Variants in TTC39A observed in about 807,000 individuals in gnomAD.
TTC39A encodes tetratricopeptide repeat protein 39A.
A neutral mutation model predicts 82.3 loss-of-function variants in TTC39A; 46 were observed. The ratio of observed to expected loss-of-function variants is 0.56; its 90% CI spans 0.44 to 0.71. The LOEUF (loss-of-function observed/expected upper bound fraction) is 0.71. Among genes scored for constraint, TTC39A ranks in the 30% least tolerant of loss-of-function variants. The probability of loss-of-function intolerance (pLI) is 0.00; values close to 1 mark genes in which losing one functional copy is unlikely to be tolerated. For synonymous variants in TTC39A, 254 were observed against 275.2 expected (o/e 0.92, Z 0.76); for missense variants, 543 against 712.9 (o/e 0.76, Z 2.71).
chr1:51,342,974 C>T (rs1198228324), intron 1 of TTC39A: 1 of 449,008 alleles, frequency 2.2e-6, no homozygotes, highest in South Asian at 1.6e-5. Flanking sequence ...CCTCTGCTCT[C>T]CCTGCACACT....
At chr1:51,297,263 C>G (rs1337760665) in intron 12 of TTC39A, 1 of 151,786 alleles carries the variant, frequency 6.6e-6, no homozygotes, top group African/African-American at 2.4e-5. Flanking sequence ...CAGGCTAAGG[C>G]TGGAGTGCTA....
intron 12 of TTC39A, chr1:51,300,261 G>C (rs1644601240): frequency 2.0e-5 from 3 of 152,302 alleles, no homozygotes; most frequent in South Asian, 2.1e-4. Flanking sequence ...ACAGGTGCCA[G>C]ACATGTTGAG....
chr1:51,326,536 C>T (rs1482212047), intron 1 of TTC39A, among the ~76,000 whole-genome samples: 3 of 152,164 alleles, frequency 2.0e-5, no homozygotes, highest in Admixed American at 1.3e-4. Context: ...AACCACCCAT[C>T]GCCACAAAGA....
Position 51,321,553 on chromosome 1 carries a change from C to T in TTC39A, c.146+168G>A, listed in dbSNP as rs1455714810. On this transcript the variant is annotated intron_variant, in intron 2 of 17. Coordinates refer to ENST00000680483, the MANE Select transcript of TTC39A (RefSeq NM_001297663.2). This position sits in a 1 kb window ranked among gnomAD's most constrained non-coding sequence, Gnocchi z 4.6. The stretch of plus-strand genomic sequence containing the variant: ...TGACCTTGGAGAGGGCCTGGCTGCA[C>T]ACAGGCCGTGGAATGGAGCTTGAGC... Among the ~76,000 whole-genome samples the T allele has an allele frequency of 2.0e-5, 3 of 152,200 alleles. No individual in the cohort carries two copies. The highest frequency in any genetic ancestry group is 6.5e-5 in the Admixed American group (1 of 15,282).
At chr1:51,334,094 C>G (rs1161217386), upstream of TTC39A, among the ~76,000 whole-genome samples, 2 of 151,078 alleles carry the variant, frequency 1.3e-5, no homozygotes, top group African/African-American at 2.4e-5. Flanking sequence ...CATGGTGGCT[C>G]ACACCTGTAA....
intron 1 of TTC39A, among the ~76,000 whole-genome samples, chr1:51,339,374 G>C (rs1018810941): frequency 6.6e-6 from 1 of 152,174 alleles, no homozygotes; most frequent in African/African-American, 2.4e-5. Flanking sequence ...GTAGATTTCC[G>C]CACTGCTGAT....
chr1:51,309,401 G>C lies in TTC39A; in HGVS notation c.424-76C>G, dbSNP rs757918726. ...CGTGAGAGGGATCATGCAAGGCTCT[G>C]GGCCTGACTGCCCCTCCGTGTGAGG... On this transcript the variant is annotated intron_variant, in intron 5 of 17. Coordinates refer to ENST00000680483, the MANE Select transcript of TTC39A (RefSeq NM_001297663.2). The C allele has an allele frequency of 1.9e-6, 3 of 1,605,188 alleles. No individual in the cohort carries two copies. The South Asian group carries it at 3.4e-5, about 18-fold the overall frequency.
rs765718230 is a variant in TTC39A at position 51,302,516 on chromosome 1, C to T, written c.821G>A (p.Arg274Gln). Residue 274 changes from arginine to glutamine, a missense_variant, in exon 10 of 18, where the codon CGG (arginine) becomes CAG (glutamine). Arg to Gln is a conservative substitution (Grantham distance 43, BLOSUM62 1). Coordinates refer to ENST00000680483, the MANE Select transcript of TTC39A (RefSeq NM_001297663.2). ...GCACATGGGGCTCACCTTAGGGTACCGGTTCAGGTAGGGCTTCAAGAGCTT... is the reference window on the plus strand; with the variant it reads ...GCACATGGGGCTCACCTTAGGGTACTGGTTCAGGTAGGGCTTCAAGAGCTT... ...AEKLLKPYLN[R>Q]YPKGAIFLFF... 10 of 1,609,500 alleles carry T rather than the reference C, an allele frequency of 6.2e-6. No homozygotes were observed. The highest frequency in any genetic ancestry group is 1.3e-5 in the African/African-American group (1 of 74,898).
intron 1 of TTC39A, among the ~76,000 whole-genome samples, chr1:51,341,045 A>C (rs1646030036): frequency 6.6e-6 from 1 of 152,088 alleles, no homozygotes; most frequent in South Asian, 2.1e-4. Flanking sequence ...GTGGCGCATG[A>C]CTATAATCCC....
upstream of TTC39A, among the ~76,000 whole-genome samples, chr1:51,335,509 C>T (rs1427840139): frequency 6.9e-6 from 1 of 145,672 alleles, no homozygotes; most frequent in Non-Finnish European, 1.5e-5. Flanking sequence ...TGCAGTGAGC[C>T]GAGATCACAC....
At chr1:51,290,258 T>A in intron 15 of TTC39A, 139 bp from the exon 16 acceptor site, 1 of 820,110 alleles carries the variant, frequency 1.2e-6, no homozygotes, top group Non-Finnish European at 1.9e-6. Context: ...GGGTCACATC[T>A]AAGAAGGAAA....
chr1:51,289,044 G>T, intron 16 of TTC39A, 89 bp from the exon 17 acceptor site: 2 of 1,271,892 alleles, frequency 1.6e-6, no homozygotes, highest in African/African-American at 1.5e-5. Context: ...CTCCAATTTT[G>T]GGAGGTTCCC....
At chr1:51,295,748 G>A in intron 13 of TTC39A, 1 of 375,950 alleles carries the variant, frequency 2.7e-6, no homozygotes, top group Non-Finnish European at 5.0e-6. Context: ...TAACTCAGCA[G>A]AGTGAAAGAC....
chr1:51,339,815 C>G (rs1196132403), intron 1 of TTC39A, among the ~76,000 whole-genome samples: 3 of 152,128 alleles, frequency 2.0e-5, no homozygotes, highest in Non-Finnish European at 4.4e-5. Flanking sequence ...AGCCGAGCTG[C>G]TGGGGAATTA....
In TTC39A at chr1:51,321,636, TA is replaced by T. The variant is rs1645521904; in HGVS notation, c.146+84del. ...ACCCAGAAAGCCAAAGGCATTTAGT[TA>T]CACAGGGTTCCTCTCATACAAGACC... On this transcript the variant is annotated intron_variant, in intron 2 of 17. Coordinates refer to ENST00000680483, the MANE Select transcript of TTC39A (RefSeq NM_001297663.2). The surrounding 1 kb of genome is among the most constrained non-coding windows in gnomAD (Gnocchi z 4.6). 1.5e-5 allele frequency: 20 copies of T among 1,302,338 alleles called. No individual in the cohort carries two copies. The Admixed American group carries it at 2.8e-4, about 18-fold the overall frequency. 80.7% of individuals were successfully genotyped at this position (1,302,338 alleles called of 1,614,324 possible).
In TTC39A at chr1:51,303,168, C is replaced by G; in HGVS notation, c.679G>C (p.Glu227Gln). The G allele has an allele frequency of 6.4e-7, 1 of 1,574,342 alleles. No individual in the cohort carries two copies. Among genetic ancestry groups the G allele is most frequent in the Non-Finnish European group, 8.6e-7 (1 of 1,160,588 alleles). ...CGGAAGCTGTGCCCTGACGCTCCCT[C>G]CTCCAGCTGCAGCAGCCCATAGTCC... ...NKDYGLLQLE[E>Q]GASGHSFRSV... The change falls in exon 9 of 18, where the codon GAG (glutamate) becomes CAG (glutamine). Residue 227 changes from glutamate (E) to glutamine (Q), a missense_variant. By Grantham distance (29) the Glu-to-Gln change is conservative. Coordinates refer to ENST00000680483, the MANE Select transcript of TTC39A (RefSeq NM_001297663.2).
rs1242136084 is a variant in TTC39A at position 51,330,139 on chromosome 1, C to T, written c.41+298G>A. ...AGGGCCCACCCCACAGGAGTGAACG[C>T]CACGAGGCAGGTGGGGAAGGCTGCT... On this transcript the variant is annotated intron_variant, in intron 1 of 17. Coordinates refer to ENST00000680483, the MANE Select transcript of TTC39A (RefSeq NM_001297663.2). The surrounding 1 kb of genome is among the most constrained non-coding windows in gnomAD (Gnocchi z 4.5). The T allele has an allele frequency of 2.0e-6, 2 of 985,458 alleles. No individual in the cohort carries two copies. Among genetic ancestry groups the T allele is most frequent in the Non-Finnish European group, 2.4e-6 (2 of 830,058 alleles). The allele number at this position is 985,458 out of a possible 1,614,324, so 61.0% of individuals were successfully genotyped here. A position where few individuals can be genotyped will look rare whatever the true frequency, so the allele number is the denominator to read the frequency against.
intron 2 of TTC39A, among the ~76,000 whole-genome samples, chr1:51,317,701 G>A (rs1645341462): frequency 6.6e-6 from 1 of 151,690 alleles, no homozygotes; most frequent in African/African-American, 2.4e-5. Context: ...AGTGAGCCGA[G>A]ATCACACCAT....
chr1:51,336,037 C>T (rs368353790), upstream of TTC39A, among the ~76,000 whole-genome samples: 9 of 151,812 alleles, frequency 5.9e-5, no homozygotes, highest in South Asian at 1.7e-3. Context: ...CCCTCCCCAA[C>T]ACCTGCAGTC....
Sources: allele counts gnomAD v4.1 joint callset (sites outside exome capture counted in the v4.1 genomes callset), GRCh38; gene constraint gnomAD v4.1.1; non-coding constraint Gnocchi (gnomAD v3.1); transcripts MANE v1.5; gene names NCBI Gene and HGNC (gene_info 2026-07-23, HGNC 2026-07-21).